Variants in HELLS observed in about 807,000 individuals in gnomAD.
The protein encoded by HELLS is helicase, lymphoid specific.
Under a neutral mutation model 120.0 loss-of-function variants are expected in HELLS, and 32 were observed. The observed-to-expected ratio is 0.27, with a 90% CI of 0.20 to 0.36. The LOEUF (loss-of-function observed/expected upper bound fraction) is 0.36, where lower values mean the gene tolerates loss of function less well. HELLS is among the 10% of genes least tolerant of loss of function. HELLS has a pLI of 1.00. For synonymous variants in HELLS, 341 were observed against 323.4 expected (o/e 1.05, Z -0.58); for missense variants, 650 against 993.4 (o/e 0.65, Z 4.65).
intron 6 of HELLS, chr10:94,570,352 C>G (rs549151631): frequency 6.6e-6 from 1 of 152,246 alleles, no homozygotes; most frequent in East Asian, 1.9e-4. Flanking sequence ...AGTCATTTTA[C>G]AGGACAGCTT....
chr10:94,545,857 G>A lies in HELLS; in HGVS notation c.-65G>A. The stretch of plus-strand genomic sequence containing the variant: ...AGGCTGGGCCGGCAGCGGTTGTGAG[G>A]AGTTAGCTCGCGGCATTGCAGGCTC... On this transcript the variant is annotated 5_prime_UTR_variant, in exon 1 of 22. Transcript: ENST00000348459. 2 of 1,516,718 alleles carry A rather than the reference G, an allele frequency of 1.3e-6. No homozygotes were observed. The highest frequency in any genetic ancestry group is 2.8e-5 in the African/African-American group (2 of 72,454). The allele number at this position is 1,516,718 out of a possible 1,614,324, so 94.0% of individuals were successfully genotyped here.
intron 10 of HELLS, among the ~76,000 whole-genome samples, chr10:94,579,452 C>T (rs942070150): frequency 4.6e-5 from 7 of 151,994 alleles, no homozygotes; most frequent in Non-Finnish European, 7.4e-5. Context: ...CCGCCCGCCT[C>T]AGCCTCCCAG....
intron 6 of HELLS, among the ~76,000 whole-genome samples, chr10:94,563,122 A>G (rs1397177103): frequency 2.7e-5 from 4 of 148,068 alleles, no homozygotes; most frequent in African/African-American, 7.5e-5. Flanking sequence ...TTTTTTTGAG[A>G]TGGAGCTCTG....
intron 4 of HELLS, among the ~76,000 whole-genome samples, chr10:94,561,917 T>C (rs961062128): frequency 1.3e-5 from 2 of 151,916 alleles, no homozygotes; most frequent in Non-Finnish European, 2.9e-5. Context: ...TTGAAGGGTA[T>C]TCCTTCAATA....
Position 94,562,742 on chromosome 10 carries a change from TCTAG to T in HELLS, c.370+16_370+19del. On this transcript the variant is annotated intron_variant, in intron 5 of 21. Coordinates refer to ENST00000348459, the MANE Select transcript of HELLS (RefSeq NM_018063.5). ...AGAGAAGCCAGGTAAATATCCTTAT[TCTAG>T]TTTTGAAGAATATGCGTTTATATTT... 1 of 1,580,740 alleles carries T rather than the reference TCTAG, an allele frequency of 6.3e-7. No homozygotes were observed.
At position 94,546,277 on chromosome 10, in the gene HELLS, C is replaced by A; in HGVS notation, c.32-100C>A. 2.1e-6 allele frequency: 3 copies of A among 1,433,596 alleles called. No homozygotes were observed. In the South Asian group the frequency reaches 3.6e-5, roughly 17 times the overall value. The allele number at this position is 1,433,596 out of a possible 1,614,324, so 88.8% of individuals were successfully genotyped here. A position where few individuals can be genotyped will look rare whatever the true frequency, so the allele number is the denominator to read the frequency against. Reference sequence around the variant, plus strand: ...GCGTCCCCTCGGTCTTCAGCTTTTGCTCCAGTGCATCTCGGGTGGGAGAAA... The same window carrying A: ...GCGTCCCCTCGGTCTTCAGCTTTTGATCCAGTGCATCTCGGGTGGGAGAAA... On this transcript the variant is annotated intron_variant, in intron 1 of 21. Coordinates refer to ENST00000348459, the MANE Select transcript of HELLS (RefSeq NM_018063.5).
intron 3 of HELLS, among the ~76,000 whole-genome samples, chr10:94,556,286 G>T (rs529193131): frequency 1.3e-5 from 2 of 152,202 alleles, no homozygotes; most frequent in South Asian, 4.1e-4. Context: ...ATTGTTGAGT[G>T]TGTAGGGAGA....
chr10:94,571,321 T>G, intron 6 of HELLS, 67 bp from the exon 7 acceptor site: 1 of 1,253,054 alleles, frequency 8.0e-7, no homozygotes, highest in Non-Finnish European at 1.1e-6. Flanking sequence ...GAATAAATGC[T>G]TGTTGAATAA....
intron 12 of HELLS, among the ~76,000 whole-genome samples, chr10:94,586,383 A>G (rs1052852697): frequency 6.6e-6 from 1 of 152,172 alleles, no homozygotes; most frequent in African/African-American, 2.4e-5. Context: ...GGCCTCCCAA[A>G]GTGCTGGGAT....
chr10:94,592,195 C>T, intron 15 of HELLS, 34 bp from the exon 16 acceptor site: 1 of 1,461,862 alleles, frequency 6.8e-7, no homozygotes, highest in Non-Finnish European at 9.4e-7. Context: ...TAACAGTTTT[C>T]TCTCTATTTT....
intron 21 of HELLS, among the ~76,000 whole-genome samples, 180 bp from the exon 22 acceptor site, chr10:94,601,348 C>T (rs567446281): frequency 6.6e-6 from 1 of 152,208 alleles, no homozygotes; most frequent in Admixed American, 6.5e-5. Context: ...GAATAGTGTA[C>T]CTTTTTGCTT....
At chr10:94,585,454 T>G (rs1384964363) in intron 12 of HELLS, among the ~76,000 whole-genome samples, 1 of 147,298 alleles carries the variant, frequency 6.8e-6, no homozygotes, top group African/African-American at 2.5e-5. Flanking sequence ...AGGCCTGGAG[T>G]GCAGTGAGCG....
rs571004931 is a variant in HELLS at position 94,600,902 on chromosome 10, A to G, written c.2423-626A>G. 5.9e-5 allele frequency among the ~76,000 whole-genome samples: 9 copies of G among 152,310 alleles called. No homozygotes were observed. In the East Asian group the frequency reaches 1.7e-3, roughly 29 times the overall value. ...AGACAAACCACAAATAATATTTGCAACATATAACAGGAAGTGTTTAGGATA... is the reference window on the plus strand; with the variant it reads ...AGACAAACCACAAATAATATTTGCAGCATATAACAGGAAGTGTTTAGGATA... On this transcript the variant is annotated intron_variant, in intron 21 of 21. Transcript: ENST00000348459.
chr10:94,596,239 G>T (rs1420456897), intron 19 of HELLS, among the ~76,000 whole-genome samples: 2 of 152,142 alleles, frequency 1.3e-5, no homozygotes, highest in Non-Finnish European at 1.5e-5. Flanking sequence ...GATCTTAAAT[G>T]TACAGGTTAA....
At chr10:94,549,929 TA>T (rs1842900644) in intron 2 of HELLS, among the ~76,000 whole-genome samples, 1 of 152,224 alleles carries the variant, frequency 6.6e-6, no homozygotes, top group South Asian at 2.1e-4. Flanking sequence ...TTTTTATTTT[TA>T]TTTTTTTGAG....
intron 13 of HELLS, among the ~76,000 whole-genome samples, chr10:94,588,640 C>T (rs1299936976): frequency 6.6e-6 from 1 of 152,148 alleles, no homozygotes; most frequent in Non-Finnish European, 1.5e-5. Context: ...CTTGGCCTCC[C>T]AAAGTGCTGG....
At chr10:94,563,288 G>T (rs1420663909) in intron 6 of HELLS, among the ~76,000 whole-genome samples, 1 of 152,016 alleles carries the variant, frequency 6.6e-6, no homozygotes, top group African/African-American at 2.4e-5. Context: ...TAGAGATGGG[G>T]TTTCACCATG....
In HELLS at chr10:94,581,540, T is replaced by C; in HGVS notation, c.1229+18T>C. On this transcript the variant is annotated intron_variant, in intron 11 of 21. Coordinates refer to ENST00000348459, the MANE Select transcript of HELLS (RefSeq NM_018063.5). ...TTGAAAAGGTGGGTAAGCCAGTTATTTAATGATTTAACCTCAAAAATCTGT... is the reference window on the plus strand; with the variant it reads ...TTGAAAAGGTGGGTAAGCCAGTTATCTAATGATTTAACCTCAAAAATCTGT... 1 of 1,551,924 alleles carries C rather than the reference T, an allele frequency of 6.4e-7. No homozygotes were observed. Among genetic ancestry groups the C allele is most frequent in the Non-Finnish European group, 8.8e-7 (1 of 1,142,046 alleles).
At chr10:94,572,627 G>T (rs566806685) in intron 7 of HELLS, among the ~76,000 whole-genome samples, 23 of 152,230 alleles carry the variant, frequency 1.5e-4, no homozygotes, top group Admixed American at 1.5e-3. Flanking sequence ...TATGAGTAAG[G>T]TTGCTATGAT....
Sources: allele counts gnomAD v4.1 joint callset (sites outside exome capture counted in the v4.1 genomes callset), GRCh38; gene constraint gnomAD v4.1.1; transcripts MANE v1.5; gene names NCBI Gene and HGNC (gene_info 2026-07-23, HGNC 2026-07-21).